The following USP10 variants were observed in gnomAD, a reference collection of about 807,000 sequenced individuals.
USP10 encodes ubiquitin carboxyl-terminal hydrolase 10.
In USP10, 22 loss-of-function variants were observed where a neutral mutation model predicts 84.5. The observed-to-expected ratio is 0.26, with a 90% confidence interval of 0.19 to 0.37. USP10 has a LOEUF of 0.37. Ranked by LOEUF, USP10 falls within the 10% of genes least tolerant of loss-of-function variation. The pLI, the probability that USP10 is intolerant of heterozygous loss-of-function variation, is 1.00. For synonymous variants in USP10, 454 were observed against 387.6 expected (o/e 1.17, Z -2.01); for missense variants, 1,019 against 998.9 (o/e 1.02, Z -0.27).
chr16:84,777,925 C>G (rs2150880829), intron 13 of USP10, among the ~76,000 whole-genome samples: 1 of 152,354 alleles, frequency 6.6e-6, no homozygotes, highest in East Asian at 1.9e-4. Flanking sequence ...CTTCCCGAGG[C>G]TGGTGTCTGC....
chr16:84,764,390 C>G (rs904415251), intron 10 of USP10, 127 bp downstream of exon 10: 14 of 1,277,816 alleles, frequency 1.1e-5, no homozygotes, highest in Non-Finnish European at 1.5e-5. Context: ...TGCTCCCCTG[C>G]CTGCTCTTCT....
Position 84,778,797 on chromosome 16 carries a change from A to G in USP10, c.2210-98A>G, listed in dbSNP as rs1299807188. 5.7e-6 allele frequency: 7 copies of G among 1,219,958 alleles called. No individual in the cohort carries two copies. In the East Asian group the frequency reaches 1.8e-4, roughly 32 times the overall value. 75.6% of individuals were successfully genotyped at this position (1,219,958 alleles called of 1,614,324 possible). On this transcript the variant is annotated intron_variant, in intron 13 of 13. Transcript: ENST00000219473. ...CCCACCTGCTTTGGAGAGGGGTTTT[A>G]CACATAGGATGCATCCCTGGAGGGA...
chr16:84,763,214 A>G (rs542385260), intron 9 of USP10, 126 bp downstream of exon 9: 10 of 526,676 alleles, frequency 1.9e-5, no homozygotes, highest in Non-Finnish European at 3.1e-5. Context: ...TTTATTCCCT[A>G]CGATAACTTA....
intron 1 of USP10, among the ~76,000 whole-genome samples, chr16:84,713,353 A>G (rs912704300): frequency 6.6e-6 from 1 of 151,774 alleles, no homozygotes; most frequent in South Asian, 2.1e-4. Flanking sequence ...TGCCTGGGCC[A>G]TCTTCTTACA....
chr16:84,762,616 G>T (rs1006339799), intron 8 of USP10, among the ~76,000 whole-genome samples: 15 of 151,928 alleles, frequency 9.9e-5, no homozygotes, highest in African/African-American at 3.6e-4. Context: ...GCTTGAACCC[G>T]GGAGCTGGAG....
chr16:84,713,033 A>G (rs1274756874), intron 1 of USP10, among the ~76,000 whole-genome samples: 1 of 152,110 alleles, frequency 6.6e-6, no homozygotes, highest in Non-Finnish European at 1.5e-5. Context: ...CTGTCCCCCA[A>G]ATGCAAGAAC....
At chr16:84,727,525 A>T (rs1908661178) in intron 1 of USP10, among the ~76,000 whole-genome samples, 3 of 152,240 alleles carry the variant, frequency 2.0e-5, no homozygotes, top group African/African-American at 7.2e-5. Flanking sequence ...AAACTTGAAA[A>T]GTTGCGGAAA....
chr16:84,758,705 C>T lies in USP10; in HGVS notation c.1193-11C>T, dbSNP rs778242461. On this transcript the variant is annotated splice_polypyrimidine_tract_variant and intron_variant, in intron 4 of 13. Coordinates refer to ENST00000219473, the MANE Select transcript of USP10 (RefSeq NM_005153.3). ...CATCAATTTCTGAAATATGCTTCTTCACTCTTTCAGAGTTGCTGGAGAATG... is the reference window on the plus strand; with the variant it reads ...CATCAATTTCTGAAATATGCTTCTTTACTCTTTCAGAGTTGCTGGAGAATG... 3.8e-6 allele frequency: 6 copies of T among 1,586,132 alleles called. No homozygotes were observed. The Admixed American group carries it at 6.7e-5, about 18-fold the overall frequency.
At chr16:84,713,098 A>G (rs1262191844) in intron 1 of USP10, among the ~76,000 whole-genome samples, 1 of 152,198 alleles carries the variant, frequency 6.6e-6, no homozygotes, top group Non-Finnish European at 1.5e-5. Flanking sequence ...ACCAGTGAAC[A>G]TGGAAAGAGC....
chr16:84,701,148 CCTT>C lies in USP10; in HGVS notation c.21+1040_21+1042del, dbSNP rs1170894023. ...TTCATGAGCAATTGGGTTTTGTTGC[CCTT>C]CTGCAGATGAAGTCAATCTGACTAC... On this transcript the variant is annotated intron_variant, in intron 1 of 13. Coordinates refer to ENST00000219473, the MANE Select transcript of USP10 (RefSeq NM_005153.3). Among the ~76,000 whole-genome samples the C allele has an allele frequency of 3.9e-5, 6 of 152,214 alleles. No homozygotes were observed. In the East Asian group the frequency reaches 1.2e-3, roughly 29 times the overall value.
chr16:84,705,715 CTTTTTTTT>C (rs1034372044), intron 1 of USP10, among the ~76,000 whole-genome samples: 1 of 71,284 alleles, frequency 1.4e-5, no homozygotes, highest in Non-Finnish European at 2.4e-5. Context: ...CCCTTGCTTG[CTTTTTTTT>C]TTTTTTTTTT....
In USP10 at chr16:84,764,281, A is replaced by G. The variant is rs1481784298; in HGVS notation, c.1832+18A>G. ...CACATCAGGTTTGTGCTTTTCTGGA[A>G]TAACTTAATATTTGCCTTTTCTAGG... On this transcript the variant is annotated intron_variant, in intron 10 of 13. Coordinates refer to ENST00000219473, the MANE Select transcript of USP10 (RefSeq NM_005153.3). The G allele has an allele frequency of 2.5e-6, 4 of 1,613,842 alleles. No individual in the cohort carries two copies. The highest frequency in any genetic ancestry group is 3.4e-6 in the Non-Finnish European group (4 of 1,179,878).
chr16:84,710,982 C>G (rs1280805902), intron 1 of USP10, among the ~76,000 whole-genome samples: 1 of 152,186 alleles, frequency 6.6e-6, no homozygotes, highest in East Asian at 1.9e-4. Context: ...TAGGCGTGAA[C>G]AACAACAAAA....
chr16:84,754,937 T>C (rs1235561206), intron 4 of USP10, among the ~76,000 whole-genome samples: 1 of 151,426 alleles, frequency 6.6e-6, no homozygotes, highest in Non-Finnish European at 1.5e-5. Flanking sequence ...GGCCAGGAGT[T>C]CGAGACCAGC....
intron 12 of USP10, among the ~76,000 whole-genome samples, chr16:84,774,481 T>G (rs1385414443): frequency 6.6e-6 from 1 of 151,478 alleles, no homozygotes; most frequent in Non-Finnish European, 1.5e-5. Flanking sequence ...TGTTTTTTTT[T>G]TGTTTGTTTG....
chr16:84,750,404 CAAA>C (rs71151245), intron 4 of USP10, among the ~76,000 whole-genome samples: 1 of 106,284 alleles, frequency 9.4e-6, no homozygotes. Flanking sequence ...GAGACTGTCT[CAAA>C]AAAAAAAAAA....
At chr16:84,722,987 G>C (rs1161104792) in intron 1 of USP10, among the ~76,000 whole-genome samples, 2 of 152,156 alleles carry the variant, frequency 1.3e-5, no homozygotes, top group Non-Finnish European at 2.9e-5. Flanking sequence ...TGCCCAGAAA[G>C]ACAGTTTGAG....
rs565042096 is a variant in USP10, at chr16:84,718,680, C to T, written c.22-14755C>T. The stretch of plus-strand genomic sequence containing the variant: ...CTGAGGCAGGAGAATTGCTTGAACC[C>T]AGGAGTCGGAGGTTGCAGTGAACTG... On this transcript the variant is annotated intron_variant, in intron 1 of 13. Transcript: ENST00000219473. Among the ~76,000 whole-genome samples, 298 of 151,934 alleles carry T rather than the reference C, an allele frequency of 2.0e-3. 2 individuals are homozygous for T. The highest frequency in any genetic ancestry group is 6.6e-3 in the African/African-American group (272 of 41,470).
chr16:84,729,501 A>T (rs1413864969), intron 1 of USP10, among the ~76,000 whole-genome samples: 1 of 152,240 alleles, frequency 6.6e-6, no homozygotes, highest in African/African-American at 2.4e-5. Flanking sequence ...CATAGGAAAA[A>T]GATACATGTA....
Sources: gnomAD v4.1 joint callset for allele counts (sites outside exome capture counted in the v4.1 genomes callset) on GRCh38, gnomAD v4.1.1 for gene constraint, MANE v1.5 for transcripts, NCBI Gene and HGNC (gene_info 2026-07-23, HGNC 2026-07-21) for gene names.